TENM1: variants seen among roughly 807,000 people sequenced by gnomAD.
TENM1 encodes the protein teneurin-1.
Under a neutral mutation model 174.8 loss-of-function variants are expected in TENM1, and 35 were observed. The observed-to-expected ratio is 0.20, with a 90% CI of 0.15 to 0.27. The LOEUF (loss-of-function observed/expected upper bound fraction) is 0.27. Ranked by LOEUF, TENM1 falls within the 10% of genes least tolerant of loss-of-function variation. The pLI, the probability that TENM1 is intolerant of heterozygous loss-of-function variation, is 1.00. For synonymous variants in TENM1, 781 were observed against 798.7 expected (o/e 0.98, Z 0.37); for missense variants, 1,633 against 2,130.1 (o/e 0.77, Z 4.59).
At chrX:124,972,049 A>G in the TENM1 span, among the ~76,000 whole-genome samples, 1 of 109,587 alleles carries the variant, frequency 9.1e-6, no homozygotes, top group Non-Finnish European at 1.9e-5. Flanking sequence ...CCTGGCCAAC[A>G]TGGTGAAACC....
At chrX:124,748,884 A>C in intron 3 of TENM1, among the ~76,000 whole-genome samples, 1 of 111,904 alleles carries the variant, frequency 8.9e-6, no homozygotes, top group Non-Finnish European at 1.9e-5. Flanking sequence ...TAAATGAGGT[A>C]ATGTGTACAA....
At chrX:124,575,245 T>C (rs1250709463) in intron 11 of TENM1, among the ~76,000 whole-genome samples, 2 of 112,051 alleles carry the variant, frequency 1.8e-5, no homozygotes, top group Admixed American at 1.9e-4. Context: ...TATCACGTTT[T>C]CTATGCTTGA....
intron 3 of TENM1, among the ~76,000 whole-genome samples, chrX:124,836,812 T>C (rs1389392912): frequency 8.9e-6 from 1 of 112,470 alleles, no homozygotes; most frequent in Non-Finnish European, 1.9e-5. Flanking sequence ...CATCATTTCT[T>C]GGTTTGCTAC....
intron 13 of TENM1, among the ~76,000 whole-genome samples, 156 bp from the exon 17 acceptor site, chrX:124,561,973 T>A (rs922206652): frequency 1.8e-5 from 2 of 112,015 alleles, no homozygotes; most frequent in African/African-American, 6.5e-5. Flanking sequence ...TGCAAAACCT[T>A]CCCAGGGAAC....
chrX:124,886,143 A>AT (rs2057379957), intron 3 of TENM1, among the ~76,000 whole-genome samples: 1 of 111,220 alleles, frequency 9.0e-6, no homozygotes, highest in East Asian at 2.8e-4. Context: ...GCTCAGCCAT[A>AT]TTTTTTTCCT....
chrX:124,459,364 A>T (rs981299270), intron 22 of TENM1, among the ~76,000 whole-genome samples: 1 of 111,303 alleles, frequency 9.0e-6, no homozygotes, highest in Non-Finnish European at 1.9e-5. Context: ...TTCTCATTCA[A>T]TCCTCCCAAC....
chrX:124,499,989 C>T (rs1171213968), intron 19 of TENM1, among the ~76,000 whole-genome samples: 1 of 111,066 alleles, frequency 9.0e-6, no homozygotes, highest in South Asian at 3.8e-4. Flanking sequence ...TAACAATTAC[C>T]CTCAAAATGA....
chrX:125,037,582 T>C, the TENM1 span, among the ~76,000 whole-genome samples: 6 of 111,254 alleles, frequency 5.4e-5, no homozygotes, highest in Admixed American at 4.8e-4. Flanking sequence ...GTATAATAGA[T>C]ATGAACTGTC....
intron 1 of TENM1, among the ~76,000 whole-genome samples, chrX:124,901,537 C>T (rs1487177381): frequency 3.6e-5 from 4 of 111,345 alleles, no homozygotes; most frequent in Admixed American, 1.9e-4. Context: ...TGCAGTGGCA[C>T]GATCTTGGCT....
exon 32 of TENM1, chrX:124,380,548 T>G: frequency 8.4e-7 from 1 of 1,194,000 alleles, no homozygotes; most frequent in South Asian, 1.8e-5. Flanking sequence ...ACCTCCTGCC[T>G]ATTTCGCTCT....
At chrX:124,957,188 C>CGGAT (rs2147799173) in intron 1 of TENM1, among the ~76,000 whole-genome samples, 1 of 103,275 alleles carries the variant, frequency 9.7e-6, no homozygotes, top group East Asian at 2.9e-4. Context: ...AACAAATGGA[C>CGGAT]GGATGGATAG....
chrX:125,095,551 T>C, the TENM1 span, among the ~76,000 whole-genome samples: 2 of 111,959 alleles, frequency 1.8e-5, no homozygotes, highest in Non-Finnish European at 3.8e-5. Flanking sequence ...AAATACTTCA[T>C]TTGAAAGCTG....
chrX:124,471,782 G>GTAATATA (rs1195417952), intron 22 of TENM1, among the ~76,000 whole-genome samples: 2 of 94,883 alleles, frequency 2.1e-5, no homozygotes, highest in Admixed American at 1.3e-4. Flanking sequence ...ACAATATAGA[G>GTAATATA]TAATATATAA....
At chrX:124,732,304 G>A in intron 4 of TENM1, among the ~76,000 whole-genome samples, 1 of 111,857 alleles carries the variant, frequency 8.9e-6, no homozygotes, top group East Asian at 2.8e-4. Context: ...AGCTGATACT[G>A]GAGTAGACAG....
the TENM1 span, among the ~76,000 whole-genome samples, chrX:125,154,297 T>C: frequency 8.9e-6 from 1 of 112,057 alleles, no homozygotes; most frequent in Admixed American, 9.5e-5. Flanking sequence ...GATAAGATTC[T>C]GAAGTCATCG....
chrX:124,493,897 C>T (rs2047125830), intron 20 of TENM1, among the ~76,000 whole-genome samples: 1 of 111,500 alleles, frequency 9.0e-6, no homozygotes, highest in Admixed American at 9.5e-5. Context: ...TCTGTTTTTT[C>T]ATTAGCTAAA....
the TENM1 span, among the ~76,000 whole-genome samples, chrX:125,030,270 T>C: frequency 9.0e-6 from 1 of 111,552 alleles, no homozygotes; most frequent in East Asian, 2.8e-4. Flanking sequence ...AACCCATGAG[T>C]CTCAAATGGA....
the TENM1 span, among the ~76,000 whole-genome samples, chrX:125,045,246 T>A: frequency 9.0e-6 from 1 of 111,525 alleles, no homozygotes; most frequent in Non-Finnish European, 1.9e-5. Flanking sequence ...CACGTGGGGA[T>A]TACCATTGAG....
chrX:124,874,913 C>G (rs1396279172), intron 3 of TENM1, among the ~76,000 whole-genome samples: 1 of 111,164 alleles, frequency 9.0e-6, no homozygotes, highest in Non-Finnish European at 1.9e-5. Context: ...ATAATAGCAC[C>G]CCGCTAATTT....
Sources: gnomAD v4.1 joint callset for allele counts (sites outside exome capture counted in the v4.1 genomes callset) on GRCh38, gnomAD v4.1.1 for gene constraint, MANE v1.5 for transcripts, NCBI Gene and HGNC (gene_info 2026-07-23, HGNC 2026-07-21) for gene names.